Variants in NPM1 observed in about 807,000 individuals in gnomAD.
NPM1 encodes the protein nucleophosmin.
NPM1 carries 1 observed loss-of-function variant against 44.1 expected under a neutral mutation model. That is an observed-to-expected ratio of 0.02 (90% confidence interval 0.01 to 0.11). The LOEUF is 0.11. NPM1 is among the 10% of genes least tolerant of loss of function. NPM1 has a pLI of 1.00. For missense variants in NPM1, 197 were observed against 347.8 expected (o/e 0.57, Z 3.45); for synonymous variants, 126 against 111.8 (o/e 1.13, Z -0.80).
rs563452484 is a variant in NPM1 at position 171,402,168 on chromosome 5, A to G, written c.669+1243A>G. Reference sequence around the variant, plus strand: ...TAAATGTAACTAATGATGAACCTCCATACAAACAACCCCACTAAAAAGTGG... The same window carrying G: ...TAAATGTAACTAATGATGAACCTCCGTACAAACAACCCCACTAAAAAGTGG... On this transcript the variant is annotated intron_variant, in intron 8 of 10. Coordinates refer to ENST00000296930, the MANE Select transcript of NPM1 (RefSeq NM_002520.7). Among the ~76,000 whole-genome samples, 256 of 150,606 alleles carry G rather than the reference A, an allele frequency of 1.7e-3. 1 individual carries two copies. Among genetic ancestry groups the G allele is most frequent in the African/African-American group, 5.7e-3 (234 of 40,972 alleles).
intron 6 of NPM1, among the ~76,000 whole-genome samples, chr5:171,396,604 T>G (rs755166900): frequency 6.6e-6 from 1 of 152,232 alleles, no homozygotes; most frequent in Non-Finnish European, 1.5e-5. Context: ...GTACGTTCAG[T>G]TGTTGAATTA....
intron 8 of NPM1, among the ~76,000 whole-genome samples, chr5:171,402,952 CTTTT>C (rs560900151): frequency 1.1e-5 from 1 of 91,866 alleles, no homozygotes; most frequent in African/African-American, 4.0e-5. Flanking sequence ...TCAGGTAGTT[CTTTT>C]TTTTTTTTTT....
At chr5:171,390,670 CAT>C (rs996773668) in intron 2 of NPM1, among the ~76,000 whole-genome samples, 4 of 151,952 alleles carry the variant, frequency 2.6e-5, no homozygotes, top group Non-Finnish European at 4.4e-5. Flanking sequence ...AGATGGATCG[CAT>C]ATACAATGGT....
At chr5:171,392,107 G>A (rs979231819) in intron 4 of NPM1, among the ~76,000 whole-genome samples, 5 of 151,980 alleles carry the variant, frequency 3.3e-5, no homozygotes, top group East Asian at 1.9e-4. Context: ...GTCCAGTTGC[G>A]TTTCATAGTT....
intron 6 of NPM1, among the ~76,000 whole-genome samples, chr5:171,397,644 C>A (rs1207060980): frequency 6.6e-6 from 1 of 151,876 alleles, no homozygotes; most frequent in African/African-American, 2.4e-5. Flanking sequence ...ATTCTTTTTT[C>A]TTTTTTCTTT....
chr5:171,389,061 C>T (rs987713852), intron 1 of NPM1, among the ~76,000 whole-genome samples: 3 of 152,200 alleles, frequency 2.0e-5, no homozygotes, highest in Admixed American at 2.0e-4. Context: ...AGATCAAGAC[C>T]TAAGACTATT....
At position 171,393,020 on chromosome 5, in the gene NPM1, G is replaced by A. The variant is rs3830036; in HGVS notation, c.524+42G>A. On this transcript the variant is annotated intron_variant, in intron 6 of 10. Transcript: ENST00000296930. ...AAACTTGATATACTTCCGGAATCTT[G>A]ACAAAAAAAGGAATTTGACATAGTT... The A allele has an allele frequency of 0.38, 600,058 of 1,565,556 alleles. 117,440 individuals carry two copies. Among genetic ancestry groups the A allele is most frequent in the East Asian group, 0.54 (24,011 of 44,140 alleles).
intron 6 of NPM1, among the ~76,000 whole-genome samples, chr5:171,399,296 C>T (rs1366670975): frequency 6.6e-6 from 1 of 152,166 alleles, no homozygotes; most frequent in Non-Finnish European, 1.5e-5. Flanking sequence ...CTCTGTCACC[C>T]AGGCTGGAGT....
At chr5:171,405,481 T>C in intron 9 of NPM1, 78 bp downstream of exon 9, 1 of 710,190 alleles carries the variant, frequency 1.4e-6, no homozygotes, top group Non-Finnish European at 2.5e-6. Flanking sequence ...CTTGAATGTT[T>C]CTTGTTTTTT....
chr5:171,409,876 C>G (rs905289719), intron 10 of NPM1, among the ~76,000 whole-genome samples: 1 of 151,124 alleles, frequency 6.6e-6, no homozygotes, highest in Non-Finnish European at 1.5e-5. Flanking sequence ...CTCACTGCAA[C>G]CTCTGCCTCT....
At chr5:171,408,411 A>G (rs1027393101) in intron 10 of NPM1, among the ~76,000 whole-genome samples, 2 of 152,186 alleles carry the variant, frequency 1.3e-5, no homozygotes, top group Non-Finnish European at 2.9e-5. Flanking sequence ...CGTGTGGAGA[A>G]CGGATGCTGC....
rs1771564366 is a variant in NPM1 at position 171,406,325 on chromosome 5, G to A, written c.771+922G>A. The stretch of plus-strand genomic sequence containing the variant: ...CTGATTTTTGTCCCTTGGATACAAT[G>A]CTAAAATGACATCTTTTAGATGCCC... On this transcript the variant is annotated intron_variant, in intron 9 of 10. Transcript: ENST00000296930. The A allele has an allele frequency of 4.4e-6, 6 of 1,365,178 alleles. No homozygotes were observed. In the South Asian group the frequency reaches 5.8e-5, roughly 13 times the overall value. The allele number at this position is 1,365,178 out of a possible 1,614,324, so 84.6% of individuals were successfully genotyped here. A position where few individuals can be genotyped will look rare whatever the true frequency, so the allele number is the denominator to read the frequency against.
At chr5:171,389,032 A>G (rs935821210) in intron 1 of NPM1, among the ~76,000 whole-genome samples, 4 of 152,244 alleles carry the variant, frequency 2.6e-5, no homozygotes, top group Non-Finnish European at 4.4e-5. Context: ...AGAAACACGT[A>G]GAGTGTTCGG....
chr5:171,387,507 GGC>G, upstream of NPM1: 1 of 202,874 alleles, frequency 4.9e-6, no homozygotes, highest in Non-Finnish European at 1.0e-5. Context: ...TTGCAGGGTG[GGC>G]TGCGCAGACT....
At chr5:171,408,273 A>G (rs1338742947) in intron 10 of NPM1, among the ~76,000 whole-genome samples, 2 of 152,002 alleles carry the variant, frequency 1.3e-5, no homozygotes, top group Non-Finnish European at 2.9e-5. Context: ...TAGCTGTTAG[A>G]TTTTACAGTT....
rs146444462 is a variant in NPM1, at chr5:171,399,982, T to C, written c.525-171T>C. On this transcript the variant is annotated intron_variant, in intron 6 of 10. Coordinates refer to ENST00000296930, the MANE Select transcript of NPM1 (RefSeq NM_002520.7). ...AGAGGATTTTCATTGTGTGTACATATACATTTTCATTTAGTCATTTAACAC... is the reference window on the plus strand; with the variant it reads ...AGAGGATTTTCATTGTGTGTACATACACATTTTCATTTAGTCATTTAACAC... 1.8e-3 allele frequency among the ~76,000 whole-genome samples: 270 copies of C among 152,354 alleles called. 2 individuals are homozygous for C. The highest frequency in any genetic ancestry group is 5.9e-3 in the African/African-American group (246 of 41,590).
Position 171,405,342 on chromosome 5 carries a change from C to T in NPM1, c.710C>T (p.Thr237Ile), listed in dbSNP as rs1246599848. 2 of 1,595,912 alleles carry T rather than the reference C, an allele frequency of 1.3e-6. No individual in the cohort carries two copies. The highest frequency in any genetic ancestry group is 1.7e-6 in the Non-Finnish European group (2 of 1,167,180). ...SFKKQEKTPK[T>I]PKGPSSVEDI... Reference sequence around the variant, plus strand: ...AAGAAACAGGAAAAAACTCCTAAAACACCAAAAGGACCTAGTTCTGTAGAA... The same window carrying T: ...AAGAAACAGGAAAAAACTCCTAAAATACCAAAAGGACCTAGTTCTGTAGAA... Residue 237 changes from threonine (T) to isoleucine (I), a missense_variant, in exon 9 of 11, where the codon ACA becomes ATA. Thr to Ile is a moderately conservative substitution (Grantham distance 89, BLOSUM62 -1). Transcript: ENST00000296930.
intron 8 of NPM1, among the ~76,000 whole-genome samples, chr5:171,401,922 A>G (rs1391118329): frequency 1.3e-5 from 2 of 152,022 alleles, no homozygotes; most frequent in Non-Finnish European, 2.9e-5. Flanking sequence ...AATTTAAAGG[A>G]AAAAAAGTTT....
chr5:171,388,221 C>T (rs1770364565), intron 1 of NPM1, among the ~76,000 whole-genome samples: 1 of 152,068 alleles, frequency 6.6e-6, no homozygotes, highest in African/African-American at 2.4e-5. Context: ...AGACGAGCGG[C>T]CTGAAGCGTC....
Sources: gnomAD v4.1 joint callset for allele counts (sites outside exome capture counted in the v4.1 genomes callset) on GRCh38, gnomAD v4.1.1 for gene constraint, MANE v1.5 for transcripts, NCBI Gene and HGNC (gene_info 2026-07-23, HGNC 2026-07-21) for gene names.